The following CTDP1 variants were observed in gnomAD, a reference collection of about 807,000 sequenced individuals.
CTDP1 encodes CTD phosphatase 1.
CTDP1 carries 47 observed loss-of-function variants against 91.8 expected under a neutral mutation model. The ratio of observed to expected loss-of-function variants is 0.51; its 90% CI spans 0.41 to 0.65. The LOEUF is 0.65. Ranked by LOEUF, CTDP1 falls within the 30% of genes least tolerant of loss-of-function variation. The probability of loss-of-function intolerance (pLI) is 0.00; values close to 1 mark genes in which losing one functional copy is unlikely to be tolerated. For synonymous variants in CTDP1, 656 were observed against 598.5 expected, an observed-to-expected ratio of 1.10 and a Z score of -1.40; for missense variants, 1,272 against 1,373.7, an observed-to-expected ratio of 0.93 and a Z score of 1.17.
chr18:79,717,896 A>G lies in CTDP1; in HGVS notation c.2297A>G (p.Gln766Arg), dbSNP rs1158818457. ...CCGATGCCGGTTCTTCCCAAGGCCC[A>G]GCCTGGCCCCGAGGTTCGGATCTAC... is the stretch of plus-strand genomic sequence containing the variant. ...FHPMPVLPKA[Q>R]PGPEVRIYDS... Residue 766 changes from glutamine to arginine, a missense_variant, in exon 10 of 13, where the codon CAG (glutamine) becomes CGG (arginine). Physicochemically the swap from Gln to Arg is conservative, Grantham distance 43 (BLOSUM62 1). Around this residue, in one of 3 missense-constraint regions of CTDP1, gnomAD observed 881 missense variants for 911.6 expected, o/e 0.97. Coordinates refer to ENST00000613122, the MANE Select transcript of CTDP1 (RefSeq NM_004715.5). 1 of 1,613,556 alleles carries G rather than the reference A, an allele frequency of 6.2e-7. No homozygotes were observed.
intron 6 of CTDP1, 52 bp downstream of exon 6, chr18:79,710,488 T>A (rs2122596013): frequency 7.5e-7 from 1 of 1,337,258 alleles, no homozygotes; most frequent in East Asian, 2.3e-5. Context: ...ATTTCCCATT[T>A]CAAAAATCGC....
chr18:79,724,342 C>T (rs1190547599), intron 10 of CTDP1, among the ~76,000 whole-genome samples: 1 of 152,192 alleles, frequency 6.6e-6, no homozygotes, highest in East Asian at 1.9e-4. Context: ...GTGGTAGATA[C>T]AGTTGCTAAA....
intron 4 of CTDP1, among the ~76,000 whole-genome samples, chr18:79,698,524 G>A (rs917433815): frequency 3.3e-5 from 5 of 152,186 alleles, no homozygotes; most frequent in Non-Finnish European, 7.3e-5. Context: ...TAATGCACAC[G>A]AAACCCTTCC....
intron 6 of CTDP1, among the ~76,000 whole-genome samples, chr18:79,712,480 CT>C (rs1555680504): frequency 6.6e-6 from 1 of 152,116 alleles, no homozygotes; most frequent in Non-Finnish European, 1.5e-5. Context: ...CAGGGTCTTC[CT>C]ATGTTGCCCA....
intron 4 of CTDP1, among the ~76,000 whole-genome samples, chr18:79,699,008 A>G (rs550774104): frequency 1.3e-4 from 20 of 152,226 alleles, no homozygotes; most frequent in Non-Finnish European, 2.6e-4. Flanking sequence ...CAGACCCCCC[A>G]GGTGGCACAA....
At chr18:79,747,531 T>C (rs1039136422) in intron 12 of CTDP1, among the ~76,000 whole-genome samples, 1 of 152,220 alleles carries the variant, frequency 6.6e-6, no homozygotes, top group Non-Finnish European at 1.5e-5. Context: ...GGTTGGACTG[T>C]TGGGTCCCGC....
At chr18:79,708,722 T>C (rs1293751407) in intron 5 of CTDP1, among the ~76,000 whole-genome samples, 1 of 152,266 alleles carries the variant, frequency 6.6e-6, no homozygotes, top group African/African-American at 2.4e-5. Flanking sequence ...AAGACCACAG[T>C]CCCAGCTCCC....
chr18:79,747,753 C>T (rs111788553), intron 12 of CTDP1, among the ~76,000 whole-genome samples: 3 of 152,312 alleles, frequency 2.0e-5, no homozygotes, highest in Non-Finnish European at 2.9e-5. Context: ...AGTGACGTGG[C>T]GGCCTCACGG....
intron 5 of CTDP1, among the ~76,000 whole-genome samples, chr18:79,709,149 A>G (rs1366655396): frequency 1.3e-5 from 2 of 152,228 alleles, no homozygotes; most frequent in African/African-American, 4.8e-5. Flanking sequence ...TGCCTCCAAC[A>G]TATTTTACCA....
rs1179274510 is a variant in CTDP1 at position 79,693,853 on chromosome 18, GAGT to G, written c.315-1371_315-1369del. On this transcript the variant is annotated intron_variant, in intron 1 of 12. Coordinates refer to ENST00000613122, the MANE Select transcript of CTDP1 (RefSeq NM_004715.5). ...ATGCTGGCTACAGACCCGCCCCTCCGAGTCTCCCTGAAGGATGCAGGCTACAGA... is the reference window on the plus strand; with the variant it reads ...ATGCTGGCTACAGACCCGCCCCTCCGCTCCCTGAAGGATGCAGGCTACAGA... Among the ~76,000 whole-genome samples the G allele has an allele frequency of 2.6e-3, 361 of 141,026 alleles. 4 individuals are homozygous for G. Among genetic ancestry groups the G allele is most frequent in the African/African-American group, 9.9e-3 (342 of 34,668 alleles). 92.5% of individuals were successfully genotyped at this position (141,026 alleles called of 152,430 possible).
At chr18:79,721,273 A>C (rs561777850) in intron 10 of CTDP1, among the ~76,000 whole-genome samples, 1 of 152,266 alleles carries the variant, frequency 6.6e-6, no homozygotes, top group African/African-American at 2.4e-5. Context: ...TGACTTAATT[A>C]ATTCCAACTC....
At chr18:79,747,750 T>G (rs2086909819) in intron 12 of CTDP1, among the ~76,000 whole-genome samples, 2 of 152,336 alleles carry the variant, frequency 1.3e-5, no homozygotes, top group East Asian at 1.9e-4. Context: ...TTTAGTGACG[T>G]GGCGGCCTCA....
At chr18:79,699,255 A>C (rs1205827704) in intron 4 of CTDP1, among the ~76,000 whole-genome samples, 1 of 151,868 alleles carries the variant, frequency 6.6e-6, no homozygotes, top group Non-Finnish European at 1.5e-5. Context: ...TCTACTCACT[A>C]AGGTTTTTTG....
intron 12 of CTDP1, among the ~76,000 whole-genome samples, chr18:79,743,291 T>C (rs1024228895): frequency 2.6e-5 from 4 of 152,066 alleles, no homozygotes; most frequent in Admixed American, 6.5e-5. Flanking sequence ...TCTAGGAAGC[T>C]GAGGCGGGCG....
intron 10 of CTDP1, among the ~76,000 whole-genome samples, chr18:79,718,528 G>C (rs145566687): frequency 1.3e-5 from 2 of 152,156 alleles, no homozygotes; most frequent in Non-Finnish European, 2.9e-5. Flanking sequence ...ACTGGAAGGC[G>C]TTGGTAGCCG....
Position 79,714,845 on chromosome 18 carries a change from G to GT in CTDP1, c.1386dup (p.Glu463Ter). The GT allele has an allele frequency of 6.3e-7, 1 of 1,594,236 alleles. No homozygotes were observed. Among genetic ancestry groups the GT allele is most frequent in the Non-Finnish European group, 8.5e-7 (1 of 1,171,492 alleles). On this transcript the variant is annotated frameshift_variant, in exon 8 of 13. Coordinates refer to ENST00000613122, the MANE Select transcript of CTDP1 (RefSeq NM_004715.5). LOFTEE classifies it high-confidence loss of function. ...TTATCCAGCGACAGCGAGAGCAGCA[G>GT]TGAGTCCGAGGGCACGAAGTCCTCC...
upstream of CTDP1, chr18:79,679,288 G>T (rs190768693): frequency 9.8e-6 from 4 of 408,754 alleles, no homozygotes; most frequent in East Asian, 7.3e-5. Flanking sequence ...TGGGGTCCGG[G>T]GGGGGACACG....
chr18:79,737,061 C>T (rs745663808), intron 12 of CTDP1, among the ~76,000 whole-genome samples: 4 of 152,238 alleles, frequency 2.6e-5, no homozygotes, highest in Non-Finnish European at 5.9e-5. Context: ...ACAGTGGTCC[C>T]CGCCTCCAGC....
intron 4 of CTDP1, chr18:79,703,687 C>G (rs2085905338): frequency 6.6e-6 from 1 of 151,196 alleles, no homozygotes; most frequent in African/African-American, 2.4e-5. Context: ...AGCGAGGAAA[C>G]AAAGGCAGAA....
Sources: gnomAD v4.1 joint callset for allele counts (sites outside exome capture counted in the v4.1 genomes callset) on GRCh38, gnomAD v4.1.1 for gene constraint, gnomAD v4.1.1 regional missense constraint, MANE v1.5 for transcripts, NCBI Gene and HGNC (gene_info 2026-07-23, HGNC 2026-07-21) for gene names.